MGAM2: variants seen among roughly 807,000 people sequenced by gnomAD.
The protein encoded by MGAM2 is maltase-glucoamylase 2 (putative), also known as probable maltase-glucoamylase 2.
In MGAM2, 98 loss-of-function variants were observed where a neutral mutation model predicts 96.1. The ratio of observed to expected loss-of-function variants is 1.02; its 90% CI spans 0.87 to 1.21. MGAM2 has a LOEUF of 1.21. Among genes scored for constraint, MGAM2 ranks in the 50% most tolerant of loss-of-function variants. MGAM2 has a pLI of 0.00. For missense variants in MGAM2, 2,055 were observed against 1,182.4 expected, an observed-to-expected ratio of 1.74 and a Z score of -10.82; for synonymous variants, 749 against 414.8, an observed-to-expected ratio of 1.81 and a Z score of -9.79.
chr7:142,143,210 A>G (rs553317441), intron 12 of MGAM2, among the ~76,000 whole-genome samples: 3 of 152,222 alleles, frequency 2.0e-5, no homozygotes, highest in Non-Finnish European at 4.4e-5. Flanking sequence ...AAATTTGGCT[A>G]TGGTTATATC....
rs1796022084 is a variant in MGAM2 at position 142,166,179 on chromosome 7, G to A, written c.2734G>A (p.Glu912Lys). 1 of 702,514 alleles carries A rather than the reference G, an allele frequency of 1.4e-6. No individual in the cohort carries two copies. Among genetic ancestry groups the A allele is most frequent in the African/African-American group, 1.7e-5 (1 of 57,232 alleles). The allele number at this position is 702,514 out of a possible 1,614,324, so 43.5% of individuals were successfully genotyped here. A position where few individuals can be genotyped will look rare whatever the true frequency, so the allele number is the denominator to read the frequency against. Residue 912 changes from glutamate to lysine, a missense_variant, in exon 25 of 48, where the codon GAG becomes AAG. Physicochemically the swap from Glu to Lys is moderately conservative, Grantham distance 56. Coordinates refer to ENST00000477922, the MANE Select transcript of MGAM2 (RefSeq NM_001293626.2). Reference protein sequence around the residue: ...IRWNLPVSDLEKFNCYPDDPT... With the variant: ...IRWNLPVSDLKKFNCYPDDPT... ...GTGGAATCTTCCTGTCAGTGACCTG[G>A]AGAAGTTCAACTGCTACCCTGATGA... is the stretch of plus-strand genomic sequence containing the variant.
In MGAM2 at chr7:142,149,788, G is replaced by A. The variant is rs1284006108; in HGVS notation, c.1634+2215G>A. 1.1e-4 allele frequency among the ~76,000 whole-genome samples: 16 copies of A among 151,966 alleles called. No individual in the cohort carries two copies. In the East Asian group the frequency reaches 1.8e-3, roughly 17 times the overall value. Reference sequence around the variant, plus strand: ...CATCTCCTGACCTCATGATTCACCCGCCTTGGCCTCCCAAAGTGCTGGGAT... The same window carrying A: ...CATCTCCTGACCTCATGATTCACCCACCTTGGCCTCCCAAAGTGCTGGGAT... On this transcript the variant is annotated intron_variant, in intron 15 of 47. Transcript: ENST00000477922.
chr7:142,166,807 AC>A (rs1796041283), intron 25 of MGAM2, among the ~76,000 whole-genome samples: 1 of 152,208 alleles, frequency 6.6e-6, no homozygotes, highest in Admixed American at 6.5e-5. Flanking sequence ...ATAACAGAGT[AC>A]CACAAACTGA....
chr7:142,170,231 T>C lies in MGAM2; in HGVS notation c.3182+2T>C, dbSNP rs1796148356. 1 of 701,362 alleles carries C rather than the reference T, an allele frequency of 1.4e-6. No homozygotes were observed. Among genetic ancestry groups the C allele is most frequent in the Admixed American group, 2.0e-5 (1 of 49,710 alleles). The allele number at this position is 701,362 out of a possible 1,614,324, so 43.4% of individuals were successfully genotyped here. A position where few individuals can be genotyped will look rare whatever the true frequency, so the allele number is the denominator to read the frequency against. ...ACGCAAAAACTCCAGCACTGTGATG[T>C]AAGCACTATTTATTTGATTCTAATT... On this transcript the variant is annotated splice_donor_variant, in intron 27 of 47. Transcript: ENST00000477922. LOFTEE classifies it high-confidence loss of function.
At chr7:142,137,130 CG>C (rs1162408973) in intron 8 of MGAM2, among the ~76,000 whole-genome samples, 1 of 151,628 alleles carries the variant, frequency 6.6e-6, no homozygotes, top group Non-Finnish European at 1.5e-5. Flanking sequence ...ATTTTTATAA[CG>C]TTTTTTGAGT....
chr7:142,166,647 T>C (rs1796035939), intron 25 of MGAM2, among the ~76,000 whole-genome samples: 1 of 152,146 alleles, frequency 6.6e-6, no homozygotes, highest in Admixed American at 6.5e-5. Context: ...CTAGATTACA[T>C]GGGAGGCAAT....
chr7:142,219,107 T>G (rs1366399681), intron 47 of MGAM2, among the ~76,000 whole-genome samples: 1 of 152,158 alleles, frequency 6.6e-6, no homozygotes, highest in Non-Finnish European at 1.5e-5. Context: ...ACCAGAATTT[T>G]GGAAGATGAA....
At chr7:142,115,395 TAGC>T (rs1382695319) in intron 1 of MGAM2, among the ~76,000 whole-genome samples, 1 of 152,134 alleles carries the variant, frequency 6.6e-6, no homozygotes, top group Non-Finnish European at 1.5e-5. Context: ...CAGATTCTGT[TAGC>T]AGATAGAGAG....
Position 142,185,974 on chromosome 7 carries a change from G to T in MGAM2, c.3988-15G>T. The T allele has an allele frequency of 1.4e-6, 1 of 702,878 alleles. No homozygotes were observed. The highest frequency in any genetic ancestry group is 2.7e-5 in the East Asian group (1 of 37,264). The allele number at this position is 702,878 out of a possible 1,614,324, so 43.5% of individuals were successfully genotyped here. A position where few individuals can be genotyped will look rare whatever the true frequency, so the allele number is the denominator to read the frequency against. ...GCTGAGACCCCGACAATGAGAGTGT[G>T]TGTTATTCTTACAGCTTTACAGGGC... On this transcript the variant is annotated splice_polypyrimidine_tract_variant and intron_variant, in intron 34 of 47. Transcript: ENST00000477922.
intron 20 of MGAM2, among the ~76,000 whole-genome samples, chr7:142,159,562 C>T (rs914519745): frequency 5.9e-5 from 9 of 152,266 alleles, no homozygotes; most frequent in Admixed American, 2.0e-4. Context: ...TTATTGCTCA[C>T]GGTTTTGGAG....
intron 44 of MGAM2, 98 bp downstream of exon 44, chr7:142,198,837 T>C: frequency 1.6e-6 from 1 of 608,650 alleles, no homozygotes; most frequent in Non-Finnish European, 3.0e-6. Flanking sequence ...ATGTGGATTA[T>C]AAACTAAATT....
At chr7:142,170,813 T>C (rs1796161974) in intron 27 of MGAM2, among the ~76,000 whole-genome samples, 2 of 152,172 alleles carry the variant, frequency 1.3e-5, no homozygotes, top group Non-Finnish European at 2.9e-5. Flanking sequence ...TGCCTTCCTG[T>C]GTATGTCTTC....
chr7:142,198,392 C>T (rs1441304447), intron 43 of MGAM2, among the ~76,000 whole-genome samples, 197 bp downstream of exon 43: 1 of 152,148 alleles, frequency 6.6e-6, no homozygotes, highest in African/African-American at 2.4e-5. Flanking sequence ...GAAGCTCCCC[C>T]CTCACCCTTG....
chr7:142,185,240 C>A, intron 34 of MGAM2, 101 bp downstream of exon 34: 1 of 621,804 alleles, frequency 1.6e-6, no homozygotes, highest in African/African-American at 1.8e-5. Context: ...GTTAAGTAGC[C>A]CTAACTTGAG....
rs1353429106 is a variant in MGAM2, at chr7:142,157,969, C to T, written c.1956C>T (p.Ser652=). ...DQDPAAFGVD[S]LLLKSSRHYL... ...ATCCCGCTGCCTTTGGTGTTGATTCCCTGCTGCTGAAATCCTCCAGACATT... is the reference window on the plus strand; with the variant it reads ...ATCCCGCTGCCTTTGGTGTTGATTCTCTGCTGCTGAAATCCTCCAGACATT... The change falls in exon 18 of 48, where the codon TCC becomes TCT. Residue 652 remains serine (S), a synonymous_variant. Coordinates refer to ENST00000477922, the MANE Select transcript of MGAM2 (RefSeq NM_001293626.2). The T allele has an allele frequency of 2.8e-6, 2 of 702,804 alleles. No individual in the cohort carries two copies. The highest frequency in any genetic ancestry group is 3.5e-5 in the African/African-American group (2 of 57,234). The allele number at this position is 702,804 out of a possible 1,614,324, so 43.5% of individuals were successfully genotyped here. A position where few individuals can be genotyped will look rare whatever the true frequency, so the allele number is the denominator to read the frequency against.
intron 26 of MGAM2, among the ~76,000 whole-genome samples, chr7:142,168,660 A>G (rs1336935183): frequency 6.6e-6 from 1 of 152,138 alleles, no homozygotes; most frequent in Non-Finnish European, 1.5e-5. Context: ...ATGCACATTT[A>G]AAAAATACGT....
chr7:142,216,630 G>A (rs1797769458), intron 46 of MGAM2, among the ~76,000 whole-genome samples: 1 of 152,040 alleles, frequency 6.6e-6, no homozygotes, highest in Non-Finnish European at 1.5e-5. Flanking sequence ...CCAATTTCAA[G>A]CATCAGCTGG....
chr7:142,185,871 A>T (rs1796677986), intron 34 of MGAM2, 118 bp from the exon 35 acceptor site: 1 of 554,670 alleles, frequency 1.8e-6, no homozygotes. Context: ...CAACAGCAGC[A>T]GATCTGAGAT....
Position 142,216,556 on chromosome 7 carries a change from G to C in MGAM2, c.5188-1805G>C, listed in dbSNP as rs374156586. 1.2e-4 allele frequency among the ~76,000 whole-genome samples: 19 copies of C among 152,238 alleles called. No homozygotes were observed. The East Asian group carries it at 3.3e-3, about 26-fold the overall frequency. ...TTTCCTGGTTGGTAAACCAGCTTGT[G>C]GGGGTGGGAGATGATTTGTAACATT... On this transcript the variant is annotated intron_variant, in intron 46 of 47. Transcript: ENST00000477922.
Sources: gnomAD v4.1 joint callset for allele counts (sites outside exome capture counted in the v4.1 genomes callset) on GRCh38, gnomAD v4.1.1 for gene constraint, MANE v1.5 for transcripts, NCBI Gene and HGNC (gene_info 2026-07-23, HGNC 2026-07-21) for gene names.